The following PCDHGC3 variants were observed in gnomAD, a reference collection of about 807,000 sequenced individuals.
PCDHGC3 encodes the protein protocadherin gamma subfamily C, 3.
In PCDHGC3, 26 loss-of-function variants were observed where a neutral mutation model predicts 59.2. That is an observed-to-expected ratio of 0.44 (90% CI 0.32 to 0.61). The LOEUF (loss-of-function observed/expected upper bound fraction) is 0.61, where lower values mean the gene tolerates loss of function less well. PCDHGC3 is among the 20% of genes least tolerant of loss of function. The pLI, the probability that PCDHGC3 is intolerant of heterozygous loss-of-function variation, is 0.05. For missense variants in PCDHGC3, 1,080 were observed against 1,221.8 expected (o/e 0.88, Z 1.73); for synonymous variants, 487 against 519.7 (o/e 0.94, Z 0.86).
chr5:141,477,162 C>A lies in PCDHGC3; in HGVS notation c.1046C>A (p.Ala349Asp), dbSNP rs147392557. ...LVEVVDVNDNAPEITVTSVYS... is the reference protein window; with the variant it reads ...LVEVVDVNDNDPEITVTSVYS... ...GAGGTTGTGGATGTGAATGACAACG[C>A]CCCGGAGATCACAGTCACCTCCGTG... Residue 349 changes from alanine (A) to aspartate (D), a missense_variant, in exon 1 of 4, where the codon GCC becomes GAC. Transcript: ENST00000308177. This position sits in a 1 kb window ranked among gnomAD's most constrained non-coding sequence, Gnocchi z 4.9. 3.5e-5 allele frequency: 57 copies of A among 1,614,162 alleles called. No homozygotes were observed. The Middle Eastern group carries it at 9.9e-4, about 28-fold the overall frequency.
chr5:141,498,251 C>A (rs1277949209), intron 2 of PCDHGC3, among the ~76,000 whole-genome samples: 1 of 152,178 alleles, frequency 6.6e-6, no homozygotes, highest in African/African-American at 2.4e-5. Flanking sequence ...CAAAGCAGGG[C>A]TGGTGTTGAG....
rs1326004540 is a variant in PCDHGC3 at position 141,477,117 on chromosome 5, C to T, written c.1001C>T (p.Ala334Val). ...AKDKGANPEGAHCKVLVEVVD... is the reference protein window; with the variant it reads ...AKDKGANPEGVHCKVLVEVVD... Reference sequence around the variant, plus strand: ...GACAAGGGCGCCAATCCCGAAGGAGCACATTGCAAAGTGTTGGTGGAGGTT... The same window carrying T: ...GACAAGGGCGCCAATCCCGAAGGAGTACATTGCAAAGTGTTGGTGGAGGTT... The change falls in exon 1 of 4, where the codon GCA becomes GTA. Residue 334 changes from alanine (A) to valine (V), a missense_variant. Ala to Val is a moderately conservative substitution (Grantham distance 64, BLOSUM62 0). Coordinates refer to ENST00000308177, the MANE Select transcript of PCDHGC3 (RefSeq NM_002588.4). The surrounding 1 kb of genome is among the most constrained non-coding windows in gnomAD (Gnocchi z 4.9). 1.2e-6 allele frequency: 2 copies of T among 1,614,246 alleles called. No homozygotes were observed. Among genetic ancestry groups the T allele is most frequent in the East Asian group, 4.5e-5 (2 of 44,886 alleles).
rs780541121 is a variant in PCDHGC3 at position 141,477,533 on chromosome 5, G to T, written c.1417G>T (p.Gly473Trp). ...TTACATTGAAGAAAACAACCTCCCCGGGGCTCCAATACTAAACCTAAGTGT... is the reference window on the plus strand; with the variant it reads ...TTACATTGAAGAAAACAACCTCCCCTGGGCTCCAATACTAAACCTAAGTGT... ...DVYIEENNLP[G>W]APILNLSVWD... The change falls in exon 1 of 4, where the codon GGG becomes TGG. Residue 473 changes from glycine (G) to tryptophan (W), a missense_variant. Coordinates refer to ENST00000308177, the MANE Select transcript of PCDHGC3 (RefSeq NM_002588.4). This position sits in a 1 kb window ranked among gnomAD's most constrained non-coding sequence, Gnocchi z 4.9. 6.2e-7 allele frequency: 1 copy of T among 1,614,010 alleles called. No homozygotes were observed. The highest frequency in any genetic ancestry group is 1.1e-5 in the South Asian group (1 of 91,066).
At position 141,475,997 on chromosome 5, in the gene PCDHGC3, G is replaced by T; in HGVS notation, c.-120G>T. 1 of 1,184,406 alleles carries T rather than the reference G, an allele frequency of 8.4e-7. No individual in the cohort carries two copies. Among genetic ancestry groups the T allele is most frequent in the Non-Finnish European group, 1.2e-6 (1 of 847,928 alleles). The allele number at this position is 1,184,406 out of a possible 1,614,324, so 73.4% of individuals were successfully genotyped here. Reference sequence around the variant, plus strand: ...TGAACAGCCGGCGAGCAAATCAACGGCATCCAGAAAGCCATGTCGGACTCG... The same window carrying T: ...TGAACAGCCGGCGAGCAAATCAACGTCATCCAGAAAGCCATGTCGGACTCG... On this transcript the variant is annotated 5_prime_UTR_variant, in exon 1 of 4. Coordinates refer to ENST00000308177, the MANE Select transcript of PCDHGC3 (RefSeq NM_002588.4).
intron 1 of PCDHGC3, chr5:141,478,884 C>T (rs767294994): frequency 9.2e-5 from 110 of 1,194,180 alleles, no homozygotes; most frequent in Non-Finnish European, 1.2e-4. Context: ...AGCTTGGTAT[C>T]ATTTACATTA....
Position 141,477,447 on chromosome 5 carries a change from G to C in PCDHGC3, c.1331G>C (p.Arg444Pro), listed in dbSNP as rs779097830. The change falls in exon 1 of 4, where the codon CGT (arginine) becomes CCT (proline). Residue 444 changes from arginine (R) to proline (P), a missense_variant. Arg to Pro is a moderately radical substitution (Grantham distance 103). Coordinates refer to ENST00000308177, the MANE Select transcript of PCDHGC3 (RefSeq NM_002588.4). The surrounding 1 kb of genome is among the most constrained non-coding windows in gnomAD (Gnocchi z 4.9). ...TCCCTCTCAGCCCTTACAATAGTGCGTGTTCAAGTGTCCGACATCAATGAC... is the reference window on the plus strand; with the variant it reads ...TCCCTCTCAGCCCTTACAATAGTGCCTGTTCAAGTGTCCGACATCAATGAC... Reference protein sequence around the residue: ...TPSLSALTIVRVQVSDINDNP... With the variant: ...TPSLSALTIVPVQVSDINDNP... The C allele has an allele frequency of 1.6e-5, 26 of 1,614,098 alleles. No individual in the cohort carries two copies. Among genetic ancestry groups the C allele is most frequent in the Non-Finnish European group, 2.2e-5 (26 of 1,180,016 alleles).
Position 141,489,092 on chromosome 5 carries a change from A to AATT in PCDHGC3, c.2431-5714_2431-5713insTTA. 2.9e-6 allele frequency: 1 copy of AATT among 348,332 alleles called. No individual in the cohort carries two copies. Among genetic ancestry groups the AATT allele is most frequent in the Non-Finnish European group, 4.7e-6 (1 of 214,538 alleles). 21.6% of individuals were successfully genotyped at this position (348,332 alleles called of 1,614,324 possible). A position where few individuals can be genotyped will look rare whatever the true frequency, so the allele number is the denominator to read the frequency against. On this transcript the variant is annotated intron_variant, in intron 1 of 3. Transcript: ENST00000308177. This position sits in a 1 kb window ranked among gnomAD's most constrained non-coding sequence, Gnocchi z 4.5. Reference sequence around the variant, plus strand: ...TGCCCACCCCCGCCACTCGGTGACTAAGAACTGCTGCAAGCAGGCAAACCT... The same window carrying AATT: ...TGCCCACCCCCGCCACTCGGTGACTAATTAGAACTGCTGCAAGCAGGCAAACCT...
intron 3 of PCDHGC3, among the ~76,000 whole-genome samples, chr5:141,508,646 G>A (rs1434098773): frequency 2.6e-5 from 4 of 152,014 alleles, no homozygotes; most frequent in African/African-American, 9.7e-5. Flanking sequence ...ACTCCGTCAG[G>A]CCCTTCCTGT....
At chr5:141,506,444 CAAAA>C (rs1219684339) in intron 3 of PCDHGC3, among the ~76,000 whole-genome samples, 5 of 95,022 alleles carry the variant, frequency 5.3e-5, no homozygotes, top group Admixed American at 1.1e-4. Context: ...CGCTCTGTCT[CAAAA>C]AAAAAAAAAA....
intron 2 of PCDHGC3, among the ~76,000 whole-genome samples, chr5:141,501,966 C>A (rs1046026111): frequency 1.3e-5 from 2 of 152,118 alleles, no homozygotes; most frequent in African/African-American, 4.8e-5. Context: ...ATCCTCCTAA[C>A]CTCTGGCATC....
intron 1 of PCDHGC3, among the ~76,000 whole-genome samples, chr5:141,481,126 A>G (rs2099532217): frequency 6.6e-6 from 1 of 152,222 alleles, no homozygotes. Context: ...CATTTAGCAT[A>G]TTTGTGAAGT....
chr5:141,509,303 G>A (rs911736752), intron 3 of PCDHGC3, among the ~76,000 whole-genome samples: 1 of 152,210 alleles, frequency 6.6e-6, no homozygotes, highest in Admixed American at 6.5e-5. Context: ...GGAGGCAGAG[G>A]GAGGCTGGGA....
Position 141,476,351 on chromosome 5 carries a change from G to C in PCDHGC3, c.235G>C (p.Val79Leu). The change falls in exon 1 of 4, where the codon GTG becomes CTG. Residue 79 changes from valine to leucine, a missense_variant. Physicochemically the swap from Val to Leu is conservative, Grantham distance 32. Transcript: ENST00000308177. This position sits in a 1 kb window ranked among gnomAD's most constrained non-coding sequence, Gnocchi z 7.6. ...TGGAGCTAGCCGAAGATTCTTTGAG[G>C]TGAACCGGGAGACCGGAGAGATGTT... ...VSGASRRFFE[V>L]NRETGEMFVN... 3 of 1,614,182 alleles carry C rather than the reference G, an allele frequency of 1.9e-6. No homozygotes were observed. Among genetic ancestry groups the C allele is most frequent in the Non-Finnish European group, 2.5e-6 (3 of 1,180,046 alleles).
rs1187424114 is a variant in PCDHGC3, at chr5:141,485,341, G to A, written c.2430+6795G>A. On this transcript the variant is annotated intron_variant, in intron 1 of 3. Transcript: ENST00000308177. The surrounding 1 kb of genome is among the most constrained non-coding windows in gnomAD (Gnocchi z 5.7). ...TCGCTCAAGATTTCCTGCTGGATAC[G>A]GACAGTCTGTCAGCTCGCAGGCTGC... 2 of 1,614,118 alleles carry A rather than the reference G, an allele frequency of 1.2e-6. No individual in the cohort carries two copies. The highest frequency in any genetic ancestry group is 1.7e-5 in the Admixed American group (1 of 60,018).
At chr5:141,497,818 G>T (rs2099779657) in intron 2 of PCDHGC3, among the ~76,000 whole-genome samples, 1 of 152,194 alleles carries the variant, frequency 6.6e-6, no homozygotes, top group African/African-American at 2.4e-5. Context: ...AGAATTACAG[G>T]TGTGATCGCC....
rs374253072 is a variant in PCDHGC3, at chr5:141,476,894, G to A, written c.778G>A (p.Gly260Ser). The part of the protein sequence containing the change: ...RARVLEDAPS[G>S]TRVVQVLATD... ...GCGCGTCCTGGAGGATGCACCCTCCGGCACGCGCGTGGTACAAGTCCTTGC... is the reference window on the plus strand; with the variant it reads ...GCGCGTCCTGGAGGATGCACCCTCCAGCACGCGCGTGGTACAAGTCCTTGC... Residue 260 changes from glycine to serine, a missense_variant, in exon 1 of 4, where the codon GGC becomes AGC. By Grantham distance (56) the Gly-to-Ser change is moderately conservative (BLOSUM62 0). Transcript: ENST00000308177. The surrounding 1 kb of genome is among the most constrained non-coding windows in gnomAD (Gnocchi z 7.6). 48 of 1,613,834 alleles carry A rather than the reference G, an allele frequency of 3.0e-5. No homozygotes were observed. In the African/African-American group the frequency reaches 5.6e-4, roughly 19 times the overall value.
Position 141,485,730 on chromosome 5 carries a change from G to A in PCDHGC3, c.2430+7184G>A. On this transcript the variant is annotated intron_variant, in intron 1 of 3. Coordinates refer to ENST00000308177, the MANE Select transcript of PCDHGC3 (RefSeq NM_002588.4). This position sits in a 1 kb window ranked among gnomAD's most constrained non-coding sequence, Gnocchi z 5.7. ...TTTGCACTGGATGTGAAGAAGCGCA[G>A]CGACGGCAGCCTGGTCCCAGAGCTG... is the stretch of plus-strand genomic sequence containing the variant. 1 of 1,614,200 alleles carries A rather than the reference G, an allele frequency of 6.2e-7. No individual in the cohort carries two copies. Among genetic ancestry groups the A allele is most frequent in the Non-Finnish European group, 8.5e-7 (1 of 1,180,024 alleles).
chr5:141,477,566 C>T lies in PCDHGC3; in HGVS notation c.1450C>T (p.Pro484Ser), dbSNP rs749100730. The change falls in exon 1 of 4, where the codon CCC becomes TCC. Residue 484 changes from proline (P) to serine (S), a missense_variant. Pro to Ser is a moderately conservative substitution (Grantham distance 74). Coordinates refer to ENST00000308177, the MANE Select transcript of PCDHGC3 (RefSeq NM_002588.4). The surrounding 1 kb of genome is among the most constrained non-coding windows in gnomAD (Gnocchi z 4.9). The part of the protein sequence containing the change: ...APILNLSVWD[P>S]DAPQNARLSF... ...AATACTAAACCTAAGTGTCTGGGAC[C>T]CCGACGCCCCGCAGAATGCTCGGCT... The T allele has an allele frequency of 1.9e-6, 3 of 1,613,988 alleles. No homozygotes were observed. The highest frequency in any genetic ancestry group is 8.5e-7 in the Non-Finnish European group (1 of 1,180,032).
Position 141,485,814 on chromosome 5 carries a change from C to T in PCDHGC3, c.2430+7268C>T, listed in dbSNP as rs2099619616. 7.4e-6 allele frequency: 12 copies of T among 1,613,982 alleles called. No individual in the cohort carries two copies. The East Asian group carries it at 2.2e-4, about 30-fold the overall frequency. On this transcript the variant is annotated intron_variant, in intron 1 of 3. Coordinates refer to ENST00000308177, the MANE Select transcript of PCDHGC3 (RefSeq NM_002588.4). This position sits in a 1 kb window ranked among gnomAD's most constrained non-coding sequence, Gnocchi z 5.7. ...TCGGACTACCGCCTGGTGCTGACTG[C>T]TGTCGATGGAGGGAACCCGCCGAGA...
Sources: allele counts gnomAD v4.1 joint callset (sites outside exome capture counted in the v4.1 genomes callset), GRCh38; gene constraint gnomAD v4.1.1; non-coding constraint Gnocchi (gnomAD v3.1); transcripts MANE v1.5; gene names NCBI Gene and HGNC (gene_info 2026-07-23, HGNC 2026-07-21).